Variants in ITFG1 observed in about 807,000 individuals in gnomAD.
ITFG1 encodes the protein T-cell immunomodulatory protein.
Under a neutral mutation model 81.8 loss-of-function variants are expected in ITFG1, and 34 were observed. The ratio of observed to expected loss-of-function variants is 0.42; its 90% CI spans 0.32 to 0.55. The LOEUF is 0.55. Ranked by LOEUF, ITFG1 falls within the 20% of genes least tolerant of loss-of-function variation. ITFG1 has a pLI of 0.17. For missense variants in ITFG1, 672 were observed against 755.4 expected (o/e 0.89, Z 1.29); for synonymous variants, 285 against 270.6 (o/e 1.05, Z -0.52).
In ITFG1 at chr16:47,155,506, A is replaced by C. The variant is rs1964688804; in HGVS notation, c.*213T>G. ...AAGGAACAAAAATGTACAGCACTACAGAATAGAGAACCCAAATTTTTATAT... is the reference window on the plus strand; with the variant it reads ...AAGGAACAAAAATGTACAGCACTACCGAATAGAGAACCCAAATTTTTATAT... On this transcript the variant is annotated 3_prime_UTR_variant, in exon 18 of 18. Transcript: ENST00000320640. The C allele has an allele frequency of 2.5e-6, 1 of 393,538 alleles. No individual in the cohort carries two copies. 24.4% of individuals were successfully genotyped at this position (393,538 alleles called of 1,614,324 possible).
At chr16:47,353,187 T>A (rs990522756) in intron 8 of ITFG1, among the ~76,000 whole-genome samples, 1 of 151,912 alleles carries the variant, frequency 6.6e-6, no homozygotes, top group Non-Finnish European at 1.5e-5. Context: ...TGTGCACATG[T>A]ACCCTAGAAC....
chr16:47,187,502 G>A (rs1445157252), intron 14 of ITFG1, among the ~76,000 whole-genome samples: 1 of 152,124 alleles, frequency 6.6e-6, no homozygotes, highest in Non-Finnish European at 1.5e-5. Flanking sequence ...AGAAAAACAA[G>A]CAATGGGGAA....
At chr16:47,309,687 TAA>T (rs1223143030) in intron 10 of ITFG1, among the ~76,000 whole-genome samples, 2 of 152,208 alleles carry the variant, frequency 1.3e-5, no homozygotes, top group African/African-American at 4.8e-5. Context: ...ATAATGGTAT[TAA>T]GACTTTCATA....
At chr16:47,347,992 C>T (rs760176346) in intron 8 of ITFG1, among the ~76,000 whole-genome samples, 8 of 152,198 alleles carry the variant, frequency 5.3e-5, no homozygotes, top group Non-Finnish European at 1.2e-4. Flanking sequence ...AGACCTGCAG[C>T]TGAGGGTCCA....
chr16:47,261,583 T>C (rs1403928522), intron 10 of ITFG1, among the ~76,000 whole-genome samples: 1 of 152,238 alleles, frequency 6.6e-6, no homozygotes, highest in Admixed American at 6.5e-5. Context: ...TCCCAAAATA[T>C]GTATATTCTT....
At chr16:47,428,537 ATG>A (rs1969052814) in intron 6 of ITFG1, among the ~76,000 whole-genome samples, 2 of 121,786 alleles carry the variant, frequency 1.6e-5, no homozygotes, top group Non-Finnish European at 4.0e-5. Context: ...AGCAGGCAAC[ATG>A]TGCTGAAATT....
rs533658813 is a variant in ITFG1 at position 47,231,633 on chromosome 16, A to G, written c.1374+6332T>C. The stretch of plus-strand genomic sequence containing the variant: ...AAAATATTTGGAACTTACTATCCCT[A>G]CCAATATAGGGATGTTATAGAGGCA... On this transcript the variant is annotated intron_variant, in intron 13 of 17. Coordinates refer to ENST00000320640, the MANE Select transcript of ITFG1 (RefSeq NM_030790.5). Among the ~76,000 whole-genome samples the G allele has an allele frequency of 6.8e-4, 103 of 152,328 alleles. 1 individual carries two copies. Among genetic ancestry groups the G allele is most frequent in the African/African-American group, 2.4e-3 (98 of 41,586 alleles).
intron 13 of ITFG1, among the ~76,000 whole-genome samples, chr16:47,236,430 G>A (rs1965874363): frequency 1.4e-5 from 2 of 147,280 alleles, no homozygotes; most frequent in Non-Finnish European, 3.0e-5. Context: ...AGCCGAGATC[G>A]CGCCACTGCA....
At chr16:47,446,032 C>T (rs1969320295) in intron 5 of ITFG1, among the ~76,000 whole-genome samples, 1 of 152,062 alleles carries the variant, frequency 6.6e-6, no homozygotes. Flanking sequence ...TCACTGTTAG[C>T]CACACAAGCT....
At chr16:47,217,691 G>A (rs932895304) in intron 14 of ITFG1, among the ~76,000 whole-genome samples, 6 of 152,234 alleles carry the variant, frequency 3.9e-5, no homozygotes, top group African/African-American at 1.2e-4. Context: ...TTGGGAGGCT[G>A]AGGCAGACTG....
chr16:47,434,495 T>G (rs1348592764), intron 5 of ITFG1, among the ~76,000 whole-genome samples: 1 of 151,896 alleles, frequency 6.6e-6, no homozygotes, highest in African/African-American at 2.4e-5. Context: ...AAAACCACAA[T>G]GAGATACCAT....
chr16:47,438,652 C>G (rs1176943851), intron 5 of ITFG1, among the ~76,000 whole-genome samples: 16 of 152,180 alleles, frequency 1.1e-4, no homozygotes, highest in African/African-American at 3.9e-4. Flanking sequence ...AACTAACAAA[C>G]AGAATGGACA....
rs560128902 is a variant in ITFG1, at chr16:47,190,055, C to T, written c.1454-27391G>A. 6.8e-4 allele frequency among the ~76,000 whole-genome samples: 103 copies of T among 152,128 alleles called. 1 individual carries two copies. The highest frequency in any genetic ancestry group is 2.1e-3 in the African/African-American group (89 of 41,510). Reference sequence around the variant, plus strand: ...TCATCCTCTGGATTAAAAAAAAAATCCCTCAGGTTCCAAAGTGAACAATGT... The same window carrying T: ...TCATCCTCTGGATTAAAAAAAAAATTCCTCAGGTTCCAAAGTGAACAATGT... On this transcript the variant is annotated intron_variant, in intron 14 of 17. Coordinates refer to ENST00000320640, the MANE Select transcript of ITFG1 (RefSeq NM_030790.5).
At chr16:47,214,680 C>T (rs1965604301) in intron 14 of ITFG1, among the ~76,000 whole-genome samples, 1 of 152,092 alleles carries the variant, frequency 6.6e-6, no homozygotes. Context: ...AATGACTCCT[C>T]TGTAATGTAA....
At chr16:47,445,477 G>C (rs183057876) in intron 5 of ITFG1, among the ~76,000 whole-genome samples, 55 of 152,196 alleles carry the variant, frequency 3.6e-4, no homozygotes, top group Non-Finnish European at 5.9e-5. Flanking sequence ...AAAATGATCT[G>C]TATTTCCATA....
intron 5 of ITFG1, among the ~76,000 whole-genome samples, chr16:47,442,034 A>T (rs1969258806): frequency 6.6e-6 from 1 of 151,970 alleles, no homozygotes; most frequent in Non-Finnish European, 1.5e-5. Context: ...TATATACCAA[A>T]AACAGACAAA....
intron 14 of ITFG1, among the ~76,000 whole-genome samples, chr16:47,203,754 C>A (rs1309454823): frequency 6.6e-6 from 1 of 152,172 alleles, no homozygotes; most frequent in African/African-American, 2.4e-5. Context: ...GCTATGTGGC[C>A]CGGTTCCTAA....
At chr16:47,352,721 G>A (rs895029911) in intron 8 of ITFG1, among the ~76,000 whole-genome samples, 2 of 152,140 alleles carry the variant, frequency 1.3e-5, no homozygotes, top group Non-Finnish European at 2.9e-5. Flanking sequence ...TATACCCAAA[G>A]GAATATAAAT....
At chr16:47,451,147 A>G (rs1204777127) in intron 5 of ITFG1, among the ~76,000 whole-genome samples, 1 of 152,210 alleles carries the variant, frequency 6.6e-6, no homozygotes, top group Admixed American at 6.5e-5. Context: ...CATTTAATGA[A>G]CCAATATTTA....
Sources: gnomAD v4.1 joint callset for allele counts (sites outside exome capture counted in the v4.1 genomes callset) on GRCh38, gnomAD v4.1.1 for gene constraint, MANE v1.5 for transcripts, NCBI Gene and HGNC (gene_info 2026-07-23, HGNC 2026-07-21) for gene names.